Variants in DOCK9 observed in about 807,000 individuals in gnomAD.
DOCK9 encodes the protein dedicator of cytokinesis 9, also known as dedicator of cytokinesis protein 9.
A neutral mutation model predicts 263.3 loss-of-function variants in DOCK9; 89 were observed. The observed-to-expected ratio is 0.34, with a 90% CI of 0.28 to 0.40. The LOEUF is 0.40. Among genes scored for constraint, DOCK9 ranks in the 10% least tolerant of loss-of-function variants. DOCK9 has a pLI of 1.00. For missense variants in DOCK9, 2,140 were observed against 2,603.4 expected, an observed-to-expected ratio of 0.82 and a Z score of 3.87; for synonymous variants, 976 against 973.1, an observed-to-expected ratio of 1.00 and a Z score of -0.06.
intron 48 of DOCK9, among the ~76,000 whole-genome samples, chr13:98,806,015 C>G (rs1223610776): frequency 6.6e-6 from 1 of 152,198 alleles, no homozygotes; most frequent in East Asian, 1.9e-4. Context: ...CCGCCTTGGC[C>G]TCCCAAAGTG....
chr13:99,016,815 A>G (rs1024111964), intron 1 of DOCK9, among the ~76,000 whole-genome samples: 2 of 152,230 alleles, frequency 1.3e-5, no homozygotes, highest in Non-Finnish European at 2.9e-5. Context: ...CTGCTCTGAT[A>G]TTATTCCTTA....
chr13:99,083,036 C>T (rs956730634), intron 1 of DOCK9, among the ~76,000 whole-genome samples: 7 of 152,140 alleles, frequency 4.6e-5, no homozygotes, highest in African/African-American at 1.7e-4. Context: ...AGGCAGATCA[C>T]CTGAGCTCAG....
chr13:98,973,407 T>C (rs2059927336), intron 1 of DOCK9, among the ~76,000 whole-genome samples: 1 of 152,206 alleles, frequency 6.6e-6, no homozygotes, highest in African/African-American at 2.4e-5. Flanking sequence ...GATAAGGTAC[T>C]GGTGTGTCCA....
intron 1 of DOCK9, among the ~76,000 whole-genome samples, chr13:98,993,916 A>T (rs1027583250): frequency 7.2e-5 from 11 of 152,282 alleles, no homozygotes; most frequent in Admixed American, 7.2e-4. Flanking sequence ...CTTCAAAGAG[A>T]AAAAAATATT....
Position 98,881,954 on chromosome 13 carries a change from T to TAGGATAGTGGGCA in DOCK9, c.2600_2612dup (p.Asn872AlafsTer22). The TAGGATAGTGGGCA allele has an allele frequency of 6.2e-7, 1 of 1,601,252 alleles. No homozygotes were observed. The highest frequency in any genetic ancestry group is 8.5e-7 in the Non-Finnish European group (1 of 1,174,184). The stretch of plus-strand genomic sequence containing the variant: ...TGGTGAGGACTCGGAACAGCTGGTT[T>TAGGATAGTGGGCA]AGGATAGTGGGCAAGAAGGCGATCA... On this transcript the variant is annotated frameshift_variant, in exon 24 of 53. Transcript: ENST00000682017. LOFTEE classifies it high-confidence loss of function.
intron 49 of DOCK9, among the ~76,000 whole-genome samples, chr13:98,804,028 G>A (rs910911232): frequency 8.6e-5 from 13 of 151,592 alleles, no homozygotes; most frequent in African/African-American, 2.2e-4. Flanking sequence ...TCGCCGGTGA[G>A]AGCTGATAAG....
chr13:99,051,855 C>CAAAAAAAAAAA (rs11392986), intron 1 of DOCK9, among the ~76,000 whole-genome samples: 30 of 106,046 alleles, frequency 2.8e-4, no homozygotes, highest in African/African-American at 7.5e-4. Context: ...CCACTAGTGG[C>CAAAAAAAAAAA]AAAAAAAAAA....
chr13:98,832,759 C>T (rs187020787), intron 39 of DOCK9, among the ~76,000 whole-genome samples: 159 of 152,206 alleles, frequency 1.0e-3, no homozygotes, highest in African/African-American at 3.6e-3. Context: ...TGTTGGGGAA[C>T]GATAGGTGTG....
intron 2 of DOCK9, among the ~76,000 whole-genome samples, chr13:98,938,995 T>A (rs1378083026): frequency 6.6e-6 from 1 of 151,986 alleles, no homozygotes; most frequent in Non-Finnish European, 1.5e-5. Context: ...GAGCTGGGAG[T>A]GTCCTCCCTC....
chr13:98,915,193 G>A, intron 8 of DOCK9, 136 bp downstream of exon 8: 1 of 758,956 alleles, frequency 1.3e-6, no homozygotes, highest in Non-Finnish European at 2.0e-6. Flanking sequence ...TTGCTGACAG[G>A]ATATTTGTAA....
At chr13:98,847,260 A>G (rs912681658) in intron 37 of DOCK9, 2 of 153,112 alleles carry the variant, frequency 1.3e-5, no homozygotes, top group African/African-American at 2.4e-5. Flanking sequence ...CTAGCCCAGC[A>G]CAGTGCCTTT....
chr13:99,036,513 T>C (rs1887896912), intron 1 of DOCK9, among the ~76,000 whole-genome samples: 1 of 152,138 alleles, frequency 6.6e-6, no homozygotes, highest in African/African-American at 2.4e-5. Flanking sequence ...CAAATCATTG[T>C]AGTTAGTAAG....
intron 1 of DOCK9, among the ~76,000 whole-genome samples, chr13:98,997,291 G>A (rs970701463): frequency 1.3e-5 from 2 of 152,200 alleles, no homozygotes; most frequent in Non-Finnish European, 1.5e-5. Context: ...TGGTTATTCA[G>A]GCAGGGTTCG....
At chr13:98,954,017 G>A (rs2057741341) in intron 2 of DOCK9, among the ~76,000 whole-genome samples, 1 of 151,736 alleles carries the variant, frequency 6.6e-6, no homozygotes, top group Non-Finnish European at 1.5e-5. Flanking sequence ...CTTAAATTTG[G>A]TGGGAAAAAA....
chr13:98,898,407 G>T (rs2060020037), intron 13 of DOCK9, 146 bp from the exon 14 acceptor site: 1 of 632,196 alleles, frequency 1.6e-6, no homozygotes, highest in East Asian at 2.8e-5. Flanking sequence ...AATGAATATG[G>T]CTGGATTCAC....
In DOCK9 at chr13:98,845,796, T is replaced by C; in HGVS notation, c.4198+128A>G. 2.4e-6 allele frequency: 3 copies of C among 1,260,934 alleles called. 1 individual carries two copies. In the South Asian group the frequency reaches 4.4e-5, roughly 19 times the overall value. 78.1% of individuals were successfully genotyped at this position (1,260,934 alleles called of 1,614,324 possible). ...AGGAAGGGAACTGTGCCATGAGCTC[T>C]TCATCCTACTTGCTTTGAGCTAGAA... On this transcript the variant is annotated intron_variant, in intron 38 of 52. Coordinates refer to ENST00000682017, the MANE Select transcript of DOCK9 (RefSeq NM_001366683.2).
At chr13:98,925,769 TAC>T in intron 4 of DOCK9, 66 bp downstream of exon 4, 1 of 1,096,254 alleles carries the variant, frequency 9.1e-7, no homozygotes, top group Non-Finnish European at 1.3e-6. Flanking sequence ...CATATGAAGT[TAC>T]ATACCTCCCC....
upstream of DOCK9, among the ~76,000 whole-genome samples, chr13:98,981,785 G>A (rs1480244631): frequency 6.6e-6 from 1 of 152,202 alleles, no homozygotes; most frequent in Non-Finnish European, 1.5e-5. Flanking sequence ...ATGGGATGTG[G>A]TTTCTCCAAA....
At chr13:98,925,255 C>A (rs554885316) in intron 4 of DOCK9, among the ~76,000 whole-genome samples, 1 of 152,092 alleles carries the variant, frequency 6.6e-6, no homozygotes, top group Non-Finnish European at 1.5e-5. Flanking sequence ...CACAATGGAA[C>A]CTTTTATAAA....
Sources: allele counts gnomAD v4.1 joint callset (sites outside exome capture counted in the v4.1 genomes callset), GRCh38; gene constraint gnomAD v4.1.1; transcripts MANE v1.5; gene names NCBI Gene and HGNC (gene_info 2026-07-23, HGNC 2026-07-21).